The following PHEX variants were observed in gnomAD, a reference collection of about 807,000 sequenced individuals.
PHEX encodes the protein phosphate-regulating neutral endopeptidase PHEX.
In PHEX, 16 loss-of-function variants were observed where a neutral mutation model predicts 68.0. That is an observed-to-expected ratio of 0.24 (90% CI 0.16 to 0.36). The LOEUF (loss-of-function observed/expected upper bound fraction) is 0.36, where lower values mean the gene tolerates loss of function less well. Ranked by LOEUF, PHEX falls within the 10% of genes least tolerant of loss-of-function variation. PHEX has a pLI of 1.00. For missense variants in PHEX, 480 were observed against 575.5 expected, an observed-to-expected ratio of 0.83 and a Z score of 1.70; for synonymous variants, 208 against 205.1, an observed-to-expected ratio of 1.01 and a Z score of -0.12.
intron 18 of PHEX, among the ~76,000 whole-genome samples, chrX:22,223,093 G>A (rs1935323107): frequency 8.9e-6 from 1 of 112,289 alleles, no homozygotes; most frequent in Admixed American, 9.4e-5. Context: ...GGGCATGCCT[G>A]TCTTAGCACC....
chrX:22,146,590 G>C (rs910320219), intron 12 of PHEX, among the ~76,000 whole-genome samples: 1 of 111,762 alleles, frequency 8.9e-6, no homozygotes, highest in Non-Finnish European at 1.9e-5. Context: ...GCTGAGGCAG[G>C]CGGATCACTT....
At chrX:22,047,784 T>C (rs771647421) in intron 3 of PHEX, among the ~76,000 whole-genome samples, 1 of 111,806 alleles carries the variant, frequency 8.9e-6, no homozygotes, top group South Asian at 3.7e-4. Flanking sequence ...TGTTCTCAAA[T>C]ACATTCCCCT....
intron 3 of PHEX, among the ~76,000 whole-genome samples, chrX:22,056,804 A>T (rs754694105): frequency 9.6e-6 from 1 of 104,291 alleles, no homozygotes; most frequent in African/African-American, 3.5e-5. Context: ...AATAATAATA[A>T]TGTCCCCTAG....
At chrX:22,059,247 C>A (rs1928255671) in intron 3 of PHEX, among the ~76,000 whole-genome samples, 1 of 112,197 alleles carries the variant, frequency 8.9e-6, no homozygotes, top group Non-Finnish European at 1.9e-5. Context: ...TAACCTCTCA[C>A]AGAATTTTAG....
intron 5 of PHEX, among the ~76,000 whole-genome samples, chrX:22,089,966 T>C (rs1427579286): frequency 8.9e-6 from 1 of 112,380 alleles, no homozygotes; most frequent in African/African-American, 3.2e-5. Flanking sequence ...TAATCAACTC[T>C]ATACAGATTG....
chrX:22,059,249 G>T (rs1928256060), intron 3 of PHEX, among the ~76,000 whole-genome samples: 1 of 112,009 alleles, frequency 8.9e-6, no homozygotes, highest in Non-Finnish European at 1.9e-5. Flanking sequence ...ACCTCTCACA[G>T]AATTTTAGCA....
In PHEX at chrX:22,211,045, G is replaced by A. The variant is rs1458249913; in HGVS notation, c.1646-1859G>A. Among the ~76,000 whole-genome samples, 3 of 111,535 alleles carry A rather than the reference G, an allele frequency of 2.7e-5. No individual in the cohort carries two copies. In the Admixed American group the frequency reaches 2.9e-4, roughly 11 times the overall value. On this transcript the variant is annotated intron_variant, in intron 15 of 21. Coordinates refer to ENST00000379374, the MANE Select transcript of PHEX (RefSeq NM_000444.6). ...GAACAGTTGCTCTGGAGCAGTGAAG[G>A]ACACTACAGAAGGCTTCTCTCTCTC...
In PHEX at chrX:22,077,665, C is replaced by T. The variant is rs774768015; in HGVS notation, c.626C>T (p.Ser209Phe). The stretch of plus-strand genomic sequence containing the variant: ...TCTGTGTTCATCCGTTTGTATGTGT[C>T]CCCTGATGACAAAGCATCCAATGAA... ...SNSVFIRLYVSPDDKASNEHI... is the reference protein window; with the variant it reads ...SNSVFIRLYVFPDDKASNEHI... The change falls in exon 5 of 22, where the codon TCC becomes TTC. Residue 209 changes from serine (S) to phenylalanine (F), a missense_variant. By Grantham distance (155) the Ser-to-Phe change is radical. Coordinates refer to ENST00000379374, the MANE Select transcript of PHEX (RefSeq NM_000444.6). 8.3e-7 allele frequency: 1 copy of T among 1,206,760 alleles called. No individual in the cohort carries two copies. The highest frequency in any genetic ancestry group is 2.2e-5 in the Admixed American group (1 of 45,962).
chrX:22,217,806 G>A (rs918134238), intron 16 of PHEX, among the ~76,000 whole-genome samples: 2 of 111,632 alleles, frequency 1.8e-5, no homozygotes, highest in African/African-American at 6.5e-5. Context: ...ATAAGAGAGT[G>A]GCCTCAATAG....
chrX:22,185,756 G>GTTTTTTTTTTTTTTTTTTTTTT (rs3085228), intron 14 of PHEX, among the ~76,000 whole-genome samples: 7 of 87,774 alleles, frequency 8.0e-5, no homozygotes, highest in African/African-American at 3.0e-4. Flanking sequence ...CTCGTTTGTG[G>GTTTTTTTTTTTTTTTTTTTTTT]TTTTTTTTTT....
At chrX:22,201,656 T>C (rs1458425420) in intron 15 of PHEX, among the ~76,000 whole-genome samples, 1 of 111,777 alleles carries the variant, frequency 8.9e-6, no homozygotes, top group Non-Finnish European at 1.9e-5. Flanking sequence ...TGCAGTCTCA[T>C]GGGATTCCTG....
At chrX:22,136,737 A>G (rs1050158646) in intron 12 of PHEX, among the ~76,000 whole-genome samples, 1 of 111,677 alleles carries the variant, frequency 9.0e-6, no homozygotes, top group Non-Finnish European at 1.9e-5. Flanking sequence ...TCAAAATGGA[A>G]GTGTGTGGAT....
intron 11 of PHEX, among the ~76,000 whole-genome samples, chrX:22,122,887 T>G (rs1011875525): frequency 1.8e-5 from 2 of 110,490 alleles, no homozygotes; most frequent in Non-Finnish European, 3.8e-5. Flanking sequence ...TCCTGAGACC[T>G]AGGCTCAGGA....
chrX:22,216,983 T>TTCAA (rs755630505), intron 16 of PHEX, among the ~76,000 whole-genome samples: 15 of 112,232 alleles, frequency 1.3e-4, no homozygotes, highest in African/African-American at 4.8e-4. Flanking sequence ...CTTAAAATGA[T>TTCAA]TCAATCATTT....
At chrX:22,110,944 C>G (rs983598609) in intron 9 of PHEX, among the ~76,000 whole-genome samples, 1 of 111,693 alleles carries the variant, frequency 9.0e-6, no homozygotes, top group African/African-American at 3.3e-5. Flanking sequence ...TGTGTAGACA[C>G]GCCGATTAAC....
intron 20 of PHEX, among the ~76,000 whole-genome samples, chrX:22,236,588 C>T (rs1935989104): frequency 8.8e-6 from 1 of 113,037 alleles, no homozygotes; most frequent in Non-Finnish European, 1.9e-5. Flanking sequence ...ATATGGCCTG[C>T]TGCCTGTTTT....
intron 2 of PHEX, among the ~76,000 whole-genome samples, chrX:22,044,248 C>G (rs1927411238): frequency 9.1e-6 from 1 of 110,425 alleles, no homozygotes; most frequent in African/African-American, 3.3e-5. Context: ...GTGAGGGCTC[C>G]CCTGTGTGAC....
At chrX:22,139,692 G>A (rs764560179) in intron 12 of PHEX, among the ~76,000 whole-genome samples, 109 of 92,070 alleles carry the variant, frequency 1.2e-3, no homozygotes, top group Non-Finnish European at 2.0e-3. Context: ...CCAGCTAAGT[G>A]GTTTTCTTAA....
At chrX:22,158,286 G>A (rs1365826584) in intron 12 of PHEX, among the ~76,000 whole-genome samples, 4 of 111,879 alleles carry the variant, frequency 3.6e-5, no homozygotes, top group Non-Finnish European at 7.5e-5. Context: ...ATGTTTAATA[G>A]TTATTACAGA....
Sources: allele counts gnomAD v4.1 joint callset (sites outside exome capture counted in the v4.1 genomes callset), GRCh38; gene constraint gnomAD v4.1.1; transcripts MANE v1.5; gene names NCBI Gene and HGNC (gene_info 2026-07-23, HGNC 2026-07-21).